Variants in RASA3 observed in about 807,000 individuals in gnomAD.
RASA3 encodes the protein ras GTPase-activating protein 3.
A neutral mutation model predicts 110.0 loss-of-function variants in RASA3; 73 were observed. The ratio of observed to expected loss-of-function variants is 0.66; its 90% CI spans 0.55 to 0.81. RASA3 has a LOEUF of 0.81. RASA3 is among the 30% of genes least tolerant of loss of function. The pLI, the probability that RASA3 is intolerant of heterozygous loss-of-function variation, is 0.00. For synonymous variants in RASA3, 500 were observed against 451.4 expected (o/e 1.11, Z -1.37); for missense variants, 976 against 1,113.2 (o/e 0.88, Z 1.75).
intron 2 of RASA3, among the ~76,000 whole-genome samples, chr13:114,066,665 G>C (rs1005732450): frequency 6.6e-6 from 1 of 152,208 alleles, no homozygotes; most frequent in Admixed American, 6.5e-5. Context: ...GCTCTCCGCC[G>C]GCTGAGTTCC....
chr13:114,044,922 A>C (rs2079028129), intron 3 of RASA3, among the ~76,000 whole-genome samples: 1 of 152,124 alleles, frequency 6.6e-6, no homozygotes, highest in Non-Finnish European at 1.5e-5. Flanking sequence ...CTGGCACATG[A>C]TTACAAGTCT....
At chr13:114,055,141 CATGTGT>C (rs1325320587) in intron 2 of RASA3, among the ~76,000 whole-genome samples, 41 of 150,878 alleles carry the variant, frequency 2.7e-4, no homozygotes, top group Middle Eastern at 3.4e-3. Context: ...TGTTCATGTG[CATGTGT>C]GTGCCCACAG....
intron 20 of RASA3, among the ~76,000 whole-genome samples, 164 bp from the exon 21 acceptor site, chr13:113,996,903 G>A (rs568098122): frequency 6.6e-6 from 1 of 152,384 alleles, no homozygotes; most frequent in East Asian, 1.9e-4. Flanking sequence ...AAGAGGCCAA[G>A]GCCAGGGGGT....
intron 7 of RASA3, 38 bp from the exon 8 acceptor site, chr13:114,024,393 T>G: frequency 3.8e-6 from 6 of 1,583,548 alleles, no homozygotes; most frequent in Non-Finnish European, 5.2e-6. Flanking sequence ...GAGACCGCGG[T>G]GCCACCAGGC....
At chr13:114,129,105 G>A (rs1466050753) in intron 1 of RASA3, among the ~76,000 whole-genome samples, 1 of 152,244 alleles carries the variant, frequency 6.6e-6, no homozygotes, top group Non-Finnish European at 1.5e-5. Context: ...CCAAAACAAC[G>A]CCGTGGCCGT....
In RASA3 at chr13:114,115,712, A is replaced by G. The variant is rs774497675; in HGVS notation, c.55+16723T>C. Among the ~76,000 whole-genome samples, 14 of 152,198 alleles carry G rather than the reference A, an allele frequency of 9.2e-5. No homozygotes were observed. The highest frequency in any genetic ancestry group is 1.6e-4 in the Non-Finnish European group (11 of 68,040). On this transcript the variant is annotated intron_variant, in intron 1 of 23. Coordinates refer to ENST00000334062, the MANE Select transcript of RASA3 (RefSeq NM_007368.4). The surrounding 1 kb of genome is among the most constrained non-coding windows in gnomAD (Gnocchi z 5.0). Reference sequence around the variant, plus strand: ...GCTCTCTAACCGGTCCAGAGGTCAGAAACAGCCGCAGTCTCCTACCTCTAT... The same window carrying G: ...GCTCTCTAACCGGTCCAGAGGTCAGGAACAGCCGCAGTCTCCTACCTCTAT...
chr13:114,028,218 G>A (rs1402223786), intron 5 of RASA3, among the ~76,000 whole-genome samples: 4 of 97,958 alleles, frequency 4.1e-5, no homozygotes, highest in African/African-American at 8.9e-5. Flanking sequence ...CGGGGGGCAG[G>A]ACCCCTAAAA....
chr13:114,056,692 AAATAAACCAG>A lies in RASA3; in HGVS notation c.174-4547_174-4538del. ...GGAAATTGAGGTGCTTAAAATTCATAAATAAACCAGAAATCCATTCAATAAAAAGAGATAA... is the reference window on the plus strand; with the variant it reads ...GGAAATTGAGGTGCTTAAAATTCATAAAATCCATTCAATAAAAAGAGATAA... On this transcript the variant is annotated intron_variant, in intron 2 of 23. Coordinates refer to ENST00000334062, the MANE Select transcript of RASA3 (RefSeq NM_007368.4). This position sits in a 1 kb window ranked among gnomAD's most constrained non-coding sequence, Gnocchi z 5.7. 1 of 980,688 alleles carries A rather than the reference AAATAAACCAG, an allele frequency of 1.0e-6. No homozygotes were observed. The highest frequency in any genetic ancestry group is 1.2e-6 in the Non-Finnish European group (1 of 825,572). The allele number at this position is 980,688 out of a possible 1,614,324, so 60.7% of individuals were successfully genotyped here.
At position 114,018,226 on chromosome 13, in the gene RASA3, G is replaced by A. The variant is rs551906192; in HGVS notation, c.969C>T (p.Ile323=). Reference sequence around the variant, plus strand: ...GCTTCTCCCGGCAAACCTCGCCCAGGATGTGGGCCGCAGACGCTGACACGG... The same window carrying A: ...GCTTCTCCCGGCAAACCTCGCCCAGAATGTGGGCCGCAGACGCTGACACGG... ...VEPVSASAAH[I]LGEVCREKQE... is the part of the protein sequence containing the mutation. The change falls in exon 11 of 24, where the codon ATC becomes ATT. Residue 323 remains isoleucine, a synonymous_variant. Coordinates refer to ENST00000334062, the MANE Select transcript of RASA3 (RefSeq NM_007368.4). 183 of 1,553,664 alleles carry A rather than the reference G, an allele frequency of 1.2e-4. No homozygotes were observed. The highest frequency in any genetic ancestry group is 2.3e-4 in the Admixed American group (12 of 51,690).
intron 18 of RASA3, among the ~76,000 whole-genome samples, chr13:114,005,607 C>T (rs572436214): frequency 6.0e-4 from 92 of 152,268 alleles, no homozygotes; most frequent in Non-Finnish European, 9.7e-4. Context: ...GCCCCAAGTG[C>T]GGGTGTGGAC....
chr13:114,117,968 C>T (rs1239712847), intron 1 of RASA3, among the ~76,000 whole-genome samples: 2 of 152,002 alleles, frequency 1.3e-5, no homozygotes, highest in South Asian at 2.1e-4. Flanking sequence ...TGCATGCACA[C>T]GCACCTGTGT....
intron 8 of RASA3, among the ~76,000 whole-genome samples, chr13:114,023,261 G>A (rs910224439): frequency 1.4e-5 from 2 of 147,612 alleles, no homozygotes; most frequent in African/African-American, 5.4e-5. Flanking sequence ...TCCCAGGCTC[G>A]GGGAACATCC....
intron 2 of RASA3, among the ~76,000 whole-genome samples, chr13:114,058,255 G>A (rs1218790498): frequency 6.6e-6 from 1 of 151,908 alleles, no homozygotes; most frequent in African/African-American, 2.4e-5. Flanking sequence ...CCACCCGGCA[G>A]GGGCCAGCTC....
chr13:114,015,712 A>T (rs2053775509), intron 13 of RASA3, among the ~76,000 whole-genome samples: 1 of 152,242 alleles, frequency 6.6e-6, no homozygotes, highest in Non-Finnish European at 1.5e-5. Flanking sequence ...GAGCAAGTTC[A>T]ACATCAGGGA....
chr13:114,007,598 A>C lies in RASA3; in HGVS notation c.1677T>G (p.Asp559Glu). 1 of 1,612,564 alleles carries C rather than the reference A, an allele frequency of 6.2e-7. No individual in the cohort carries two copies. Among genetic ancestry groups the C allele is most frequent in the Non-Finnish European group, 8.5e-7 (1 of 1,179,106 alleles). ...CTCTTCTCCCCGAGGACGAAATCAG[A>C]TCCAAGAACTAAAGTTGGAAGAAAT... ...KYADAVKNFLDLISSSGRRDP... is the reference protein window; with the variant it reads ...KYADAVKNFLELISSSGRRDP... Residue 559 changes from aspartate to glutamate, a missense_variant, in exon 18 of 24, where the codon GAT becomes GAG. Physicochemically the swap from Asp to Glu is conservative, Grantham distance 45 (BLOSUM62 2). Transcript: ENST00000334062.
At chr13:114,110,616 G>T (rs1294206309) in intron 1 of RASA3, among the ~76,000 whole-genome samples, 1 of 152,174 alleles carries the variant, frequency 6.6e-6, no homozygotes, top group Admixed American at 6.5e-5. Context: ...CCCTCCCAGA[G>T]CCCCGTTTCC....
At chr13:114,120,045 T>C (rs867425779) in intron 1 of RASA3, among the ~76,000 whole-genome samples, 3 of 67,194 alleles carry the variant, frequency 4.5e-5, no homozygotes, top group Admixed American at 1.8e-4. Flanking sequence ...TCAGGGCCCC[T>C]CCCTCTCTCC....
At chr13:114,043,742 CACCACG>C in intron 3 of RASA3, among the ~76,000 whole-genome samples, 1 of 152,076 alleles carries the variant, frequency 6.6e-6, no homozygotes, top group East Asian at 1.9e-4. Flanking sequence ...TCCAGTGACA[CACCACG>C]TGGACTCCCT....
rs547963700 is a variant in RASA3 at position 114,065,594 on chromosome 13, A to C, written c.173+8126T>G. 2.0e-5 allele frequency among the ~76,000 whole-genome samples: 3 copies of C among 152,246 alleles called. No homozygotes were observed. The highest frequency in any genetic ancestry group is 1.3e-4 in the Admixed American group (2 of 15,306). On this transcript the variant is annotated intron_variant, in intron 2 of 23. Transcript: ENST00000334062. The surrounding 1 kb of genome is among the most constrained non-coding windows in gnomAD (Gnocchi z 4.1). ...AAAGGACAGGAGGCAAAACACACCC[A>C]TCAGAAGCACATGGCCAGTGCAGGG...
Sources: gnomAD v4.1 joint callset for allele counts (sites outside exome capture counted in the v4.1 genomes callset) on GRCh38, gnomAD v4.1.1 for gene constraint, Gnocchi (gnomAD v3.1) non-coding constraint, MANE v1.5 for transcripts, NCBI Gene and HGNC (gene_info 2026-07-23, HGNC 2026-07-21) for gene names.